The following ITGA8 variants were observed in gnomAD, a reference collection of about 807,000 sequenced individuals.
ITGA8 encodes the protein integrin subunit alpha 8.
A neutral mutation model predicts 142.3 loss-of-function variants in ITGA8; 91 were observed. The ratio of observed to expected loss-of-function variants is 0.64; its 90% CI spans 0.54 to 0.76. ITGA8 has a LOEUF of 0.76. ITGA8 is among the 30% of genes least tolerant of loss of function. ITGA8 has a pLI of 0.00. For missense variants in ITGA8, 1,406 were observed against 1,327.7 expected, an observed-to-expected ratio of 1.06 and a Z score of -0.92; for synonymous variants, 505 against 485.2, an observed-to-expected ratio of 1.04 and a Z score of -0.54.
intron 4 of ITGA8, among the ~76,000 whole-genome samples, chr10:15,681,776 C>T (rs368400171): frequency 6.6e-6 from 1 of 152,192 alleles, no homozygotes; most frequent in African/African-American, 2.4e-5. Context: ...AACAAGCCAG[C>T]TTGTCCATGA....
chr10:15,677,135 G>A (rs1006258717), intron 6 of ITGA8, among the ~76,000 whole-genome samples: 13 of 152,320 alleles, frequency 8.5e-5, no homozygotes, highest in South Asian at 6.2e-4. Flanking sequence ...CTAGAGGCAA[G>A]GATGAATAGA....
chr10:15,647,486 C>T (rs572145785), intron 11 of ITGA8, among the ~76,000 whole-genome samples: 4 of 121,288 alleles, frequency 3.3e-5, no homozygotes, highest in African/African-American at 6.4e-5. Flanking sequence ...GACGGAGTCT[C>T]GCTCTGTCGC....
chr10:15,560,187 G>A (rs560052360), intron 25 of ITGA8, among the ~76,000 whole-genome samples: 6 of 152,174 alleles, frequency 3.9e-5, no homozygotes, highest in African/African-American at 1.4e-4. Flanking sequence ...GCTGAAGCAG[G>A]AGGATCATCT....
At chr10:15,660,789 A>G (rs903839543) in intron 9 of ITGA8, 90 bp downstream of exon 9, 1 of 1,073,712 alleles carries the variant, frequency 9.3e-7, no homozygotes, top group African/African-American at 1.6e-5. Context: ...AGTATTTTCA[A>G]TTTATGATGG....
intron 19 of ITGA8, among the ~76,000 whole-genome samples, chr10:15,604,629 A>G (rs993764708): frequency 6.6e-6 from 1 of 151,422 alleles, no homozygotes; most frequent in Non-Finnish European, 1.5e-5. Flanking sequence ...TTCAGATTCC[A>G]GTGGTGTAAA....
chr10:15,607,922 G>A, intron 16 of ITGA8, 91 bp from the exon 17 acceptor site: 2 of 1,147,192 alleles, frequency 1.7e-6, no homozygotes, highest in South Asian at 1.4e-5. Flanking sequence ...TGCTTATTCA[G>A]GAAACAGTTC....
At chr10:15,675,013 A>G (rs1834600662) in intron 6 of ITGA8, among the ~76,000 whole-genome samples, 3 of 151,920 alleles carry the variant, frequency 2.0e-5, no homozygotes, top group South Asian at 4.1e-4. Context: ...AGTTTCTTCC[A>G]TTAAAAAAAT....
intron 8 of ITGA8, among the ~76,000 whole-genome samples, chr10:15,669,125 G>A (rs1218728680): frequency 1.3e-5 from 2 of 152,152 alleles, no homozygotes; most frequent in South Asian, 2.1e-4. Context: ...TTCCAACTTG[G>A]TTCTATTCTC....
intron 8 of ITGA8, among the ~76,000 whole-genome samples, chr10:15,666,856 G>A (rs976264728): frequency 1.1e-4 from 17 of 152,242 alleles, no homozygotes; most frequent in Middle Eastern, 3.4e-3. Flanking sequence ...CCTTGCATCC[G>A]AGGGATGAAG....
chr10:15,602,760 A>G (rs1833126707), intron 20 of ITGA8, among the ~76,000 whole-genome samples: 1 of 152,082 alleles, frequency 6.6e-6, no homozygotes, highest in Non-Finnish European at 1.5e-5. Context: ...ACAAGAAAGA[A>G]GAAAATGGGA....
intron 6 of ITGA8, among the ~76,000 whole-genome samples, chr10:15,674,705 G>A (rs1020187918): frequency 2.6e-5 from 4 of 152,132 alleles, no homozygotes; most frequent in African/African-American, 7.2e-5. Context: ...GCTGAGGCGG[G>A]CGGATCATGA....
chr10:15,688,523 A>G (rs929310201), intron 2 of ITGA8, among the ~76,000 whole-genome samples: 2 of 152,142 alleles, frequency 1.3e-5, no homozygotes, highest in Non-Finnish European at 2.9e-5. Flanking sequence ...TCCTGATACC[A>G]AAGCCAGACA....
At chr10:15,710,779 A>G (rs1358151205) in intron 2 of ITGA8, among the ~76,000 whole-genome samples, 2 of 152,188 alleles carry the variant, frequency 1.3e-5, no homozygotes, top group Non-Finnish European at 2.9e-5. Context: ...ACCTGGCCAC[A>G]GGAGATTGGC....
intron 13 of ITGA8, among the ~76,000 whole-genome samples, chr10:15,620,449 A>G (rs1833468405): frequency 1.3e-5 from 2 of 152,206 alleles, no homozygotes; most frequent in South Asian, 4.1e-4. Context: ...TTCCTTTAGG[A>G]ACTTTAATTT....
intron 21 of ITGA8, 141 bp downstream of exon 21, chr10:15,597,066 C>A: frequency 8.9e-6 from 6 of 674,818 alleles, no homozygotes; most frequent in Admixed American, 2.3e-5. Flanking sequence ...ATGTGAAATC[C>A]CACTACTCTG....
rs1179844772 is a variant in ITGA8 at position 15,592,272 on chromosome 10, A to G, written c.2244T>C (p.Arg748=). 3 of 1,613,920 alleles carry G rather than the reference A, an allele frequency of 1.9e-6. No individual in the cohort carries two copies. The highest frequency in any genetic ancestry group is 1.7e-6 in the Non-Finnish European group (2 of 1,179,792). Residue 748 remains arginine, a synonymous_variant, in exon 22 of 30, where the codon CGT becomes CGC. Transcript: ENST00000378076. ...TAATGCTCATGTTTGTTTTCTCAAG[A>G]CGTGGAACTGCAAATCGGAGGCCCA... ...YSLGLRFAVP[R]LEKTNMSINF...
chr10:15,687,148 A>C (rs967707004), intron 3 of ITGA8, among the ~76,000 whole-genome samples: 1 of 152,158 alleles, frequency 6.6e-6, no homozygotes, highest in Admixed American at 6.5e-5. Context: ...TTTTATGTCA[A>C]AATCTTTTTG....
At chr10:15,618,077 T>A (rs369110426) in intron 13 of ITGA8, among the ~76,000 whole-genome samples, 1 of 152,034 alleles carries the variant, frequency 6.6e-6, no homozygotes, top group African/African-American at 2.4e-5. Flanking sequence ...GACTCCAAAA[T>A]TGGGGAAGGA....
Position 15,515,166 on chromosome 10 carries a change from T to C in ITGA8, c.*1992A>G, listed in dbSNP as rs1218600312. 1.3e-5 allele frequency: 2 copies of C among 152,220 alleles called. No homozygotes were observed. Among genetic ancestry groups the C allele is most frequent in the African/African-American group, 4.8e-5 (2 of 41,430 alleles). 9.4% of individuals were successfully genotyped at this position (152,220 alleles called of 1,614,324 possible). A position where few individuals can be genotyped will look rare whatever the true frequency, so the allele number is the denominator to read the frequency against. ...GTCTGGCATCGCTCACATCACATCC[T>C]GTAGATGGCCACCTACTTGTAAAAC... On this transcript the variant is annotated 3_prime_UTR_variant, in exon 30 of 30. Coordinates refer to ENST00000378076, the MANE Select transcript of ITGA8 (RefSeq NM_003638.3).
Sources: allele counts gnomAD v4.1 joint callset (sites outside exome capture counted in the v4.1 genomes callset), GRCh38; gene constraint gnomAD v4.1.1; transcripts MANE v1.5; gene names NCBI Gene and HGNC (gene_info 2026-07-23, HGNC 2026-07-21).